Variants in BEND6 observed in about 807,000 individuals in gnomAD.
The protein encoded by BEND6 is BEN domain-containing protein 6.
In BEND6, 24 loss-of-function variants were observed where a neutral mutation model predicts 31.8. That is an observed-to-expected ratio of 0.75 (90% CI 0.55 to 1.06). BEND6 has a LOEUF of 1.06. Among genes scored for constraint, BEND6 ranks in the 50% least tolerant of loss-of-function variants. The pLI, the probability that BEND6 is intolerant of heterozygous loss-of-function variation, is 0.00. For synonymous variants in BEND6, 109 were observed against 114.6 expected (o/e 0.95, Z 0.31); for missense variants, 294 against 327.4 (o/e 0.90, Z 0.79).
rs1827845751 is a variant in BEND6, at chr6:57,024,549, T to A, written c.*10-1533T>A. Among the ~76,000 whole-genome samples the A allele has an allele frequency of 1.3e-5, 2 of 152,212 alleles. 1 individual carries two copies. The highest frequency in any genetic ancestry group is 4.8e-5 in the African/African-American group (2 of 41,460). On this transcript the variant is annotated intron_variant, in intron 6 of 6. Transcript: ENST00000370746. ...AATGTTGTTTCACTCCTTTCTGGCC[T>A]GCGTGGTTTCTGTTGAGAAGTCTAT... is the stretch of plus-strand genomic sequence containing the variant.
chr6:56,999,542 G>A (rs1040937226), intron 3 of BEND6, among the ~76,000 whole-genome samples: 41 of 152,192 alleles, frequency 2.7e-4, no homozygotes, highest in African/African-American at 5.8e-4. Context: ...ACCTCTGGGC[G>A]CTTGGTGGCC....
intron 3 of BEND6, among the ~76,000 whole-genome samples, chr6:57,000,659 A>T (rs545849254): frequency 6.6e-6 from 1 of 151,128 alleles, no homozygotes; most frequent in African/African-American, 2.4e-5. Flanking sequence ...GTAGGAGTTG[A>T]CCCTTTCCAA....
intron 1 of BEND6, among the ~76,000 whole-genome samples, chr6:56,961,309 T>A (rs969884174): frequency 2.6e-5 from 4 of 152,188 alleles, no homozygotes; most frequent in African/African-American, 9.6e-5. Flanking sequence ...AAAGTTTAGA[T>A]AAGTCTCCCA....
intron 3 of BEND6, among the ~76,000 whole-genome samples, chr6:56,996,758 A>C (rs1264381669): frequency 1.3e-5 from 2 of 152,172 alleles, no homozygotes; most frequent in Admixed American, 6.5e-5. Flanking sequence ...AAATCCCACT[A>C]GCTTTGCCTT....
intron 3 of BEND6, among the ~76,000 whole-genome samples, chr6:56,996,116 A>G (rs567912540): frequency 2.0e-5 from 3 of 152,092 alleles, no homozygotes; most frequent in Non-Finnish European, 4.4e-5. Flanking sequence ...ATCTGCATTC[A>G]TTCTCTAGAT....
At chr6:57,020,091 A>C (rs1484635902) in intron 6 of BEND6, among the ~76,000 whole-genome samples, 1 of 152,128 alleles carries the variant, frequency 6.6e-6, no homozygotes, top group East Asian at 1.9e-4. Context: ...CTTGTTTCCA[A>C]AAAAAGAAGT....
intron 6 of BEND6, among the ~76,000 whole-genome samples, chr6:57,020,567 C>T (rs9396253): frequency 0.73 from 110,276 of 151,974 alleles, 40,821 homozygotes; most frequent in South Asian, 0.9. Context: ...ACTACAGGCC[C>T]GCGCCACCAC....
At chr6:57,022,324 A>G (rs1482598501) in intron 6 of BEND6, among the ~76,000 whole-genome samples, 4 of 150,954 alleles carry the variant, frequency 2.6e-5, no homozygotes, top group East Asian at 3.9e-4. Flanking sequence ...GATTTGTTGA[A>G]GTTTTCTATT....
At position 56,981,271 on chromosome 6, in the gene BEND6, A is replaced by G. The variant is rs1001286923; in HGVS notation, c.-100-440A>G. Reference sequence around the variant, plus strand: ...CTTAAGAACTTTTAGGGGAAAAAAAACCTTTTAAGAAATTCTTACTGATTT... The same window carrying G: ...CTTAAGAACTTTTAGGGGAAAAAAAGCCTTTTAAGAAATTCTTACTGATTT... On this transcript the variant is annotated intron_variant, in intron 1 of 6. Transcript: ENST00000370746. Among the ~76,000 whole-genome samples the G allele has an allele frequency of 2.0e-5, 3 of 152,172 alleles. No homozygotes were observed. The South Asian group carries it at 6.2e-4, about 32-fold the overall frequency.
At chr6:56,975,595 G>A (rs150225892) in intron 1 of BEND6, 145 of 320,322 alleles carry the variant, frequency 4.5e-4, no homozygotes, top group African/African-American at 2.6e-3. Flanking sequence ...ATTTCTTCTC[G>A]AAAGCACTCT....
chr6:56,985,973 G>A (rs992808360), intron 2 of BEND6, among the ~76,000 whole-genome samples: 1 of 152,124 alleles, frequency 6.6e-6, no homozygotes, highest in Middle Eastern at 3.2e-3. Context: ...TTTGCCTGAT[G>A]TCCTTTCCCT....
intron 4 of BEND6, among the ~76,000 whole-genome samples, chr6:57,015,921 T>G (rs949858772): frequency 1.3e-5 from 2 of 151,920 alleles, no homozygotes; most frequent in African/African-American, 4.8e-5. Context: ...GAAGTCAAGA[T>G]CAATCTGAGA....
intron 3 of BEND6, among the ~76,000 whole-genome samples, chr6:56,998,760 A>G (rs1826819294): frequency 6.6e-6 from 1 of 151,994 alleles, no homozygotes; most frequent in African/African-American, 2.4e-5. Context: ...AGCAAAAAAA[A>G]AAAAGAAGGA....
intron 2 of BEND6, among the ~76,000 whole-genome samples, chr6:56,991,650 C>T (rs966526388): frequency 7.9e-5 from 12 of 152,180 alleles, no homozygotes; most frequent in Admixed American, 3.9e-4. Context: ...TGTGAGCCAC[C>T]GCAGCCAGCC....
Position 57,026,146 on chromosome 6 carries a change from A to G in BEND6, c.*74A>G, listed in dbSNP as rs1015689718. 6.6e-6 allele frequency: 1 copy of G among 152,154 alleles called. No homozygotes were observed. The highest frequency in any genetic ancestry group is 2.4e-5 in the African/African-American group (1 of 41,434). 9.4% of individuals were successfully genotyped at this position (152,154 alleles called of 1,614,324 possible). ...ATCTAGCACTGGATTTTGTTGGAGA[A>G]TCTGCAGCCTTCCTGGCAGTGAGAA... On this transcript the variant is annotated 3_prime_UTR_variant, in exon 7 of 7. Coordinates refer to ENST00000370746, the MANE Select transcript of BEND6 (RefSeq NM_152731.3).
chr6:57,000,683 G>A (rs1246510536), intron 3 of BEND6, among the ~76,000 whole-genome samples: 2 of 151,588 alleles, frequency 1.3e-5, no homozygotes, highest in Non-Finnish European at 2.9e-5. Context: ...CTGGAGTTGG[G>A]ATGGGCATTA....
At chr6:56,991,664 T>G (rs1029609617) in intron 2 of BEND6, among the ~76,000 whole-genome samples, 21 of 152,134 alleles carry the variant, frequency 1.4e-4, no homozygotes, top group African/African-American at 4.6e-4. Flanking sequence ...GCCAGCCACT[T>G]TCTGGAGATT....
At chr6:56,962,972 A>G (rs755522168) in intron 1 of BEND6, among the ~76,000 whole-genome samples, 1 of 152,100 alleles carries the variant, frequency 6.6e-6, no homozygotes, top group Non-Finnish European at 1.5e-5. Flanking sequence ...TACTCATTCA[A>G]TCCTCACAGC....
intron 1 of BEND6, among the ~76,000 whole-genome samples, chr6:56,976,951 A>G (rs1459112361): frequency 6.6e-6 from 1 of 152,252 alleles, no homozygotes; most frequent in Non-Finnish European, 1.5e-5. Context: ...TCATCACAAT[A>G]TTTCCAACTC....
Sources: gnomAD v4.1 joint callset for allele counts (sites outside exome capture counted in the v4.1 genomes callset) on GRCh38, gnomAD v4.1.1 for gene constraint, MANE v1.5 for transcripts, NCBI Gene and HGNC (gene_info 2026-07-23, HGNC 2026-07-21) for gene names.